Variants in MICAL2 observed in about 807,000 individuals in gnomAD.
MICAL2 encodes [F-actin]-monooxygenase MICAL2.
In MICAL2, 77 loss-of-function variants were observed where a neutral mutation model predicts 127.3. The ratio of observed to expected loss-of-function variants is 0.60; its 90% confidence interval spans 0.50 to 0.73. MICAL2 has a LOEUF of 0.73. Among genes scored for constraint, MICAL2 ranks in the 30% least tolerant of loss-of-function variants. The pLI is 0.00. For synonymous variants in MICAL2, 570 were observed against 551.1 expected (o/e 1.03, Z -0.48); for missense variants, 1,351 against 1,434.4 (o/e 0.94, Z 0.94).
intron 3 of MICAL2, among the ~76,000 whole-genome samples, chr11:12,180,335 G>GTGTATATATA (rs140219557): frequency 7.9e-5 from 10 of 126,420 alleles, no homozygotes; most frequent in South Asian, 3.0e-4. Context: ...TTATATACAT[G>GTGTATATATA]TATATATGTA....
chr11:12,323,847 T>A (rs1175893777), intron 30 of MICAL2: 22 of 1,001,436 alleles, frequency 2.2e-5, no homozygotes, highest in African/African-American at 3.3e-5. Flanking sequence ...TTCTACCAGA[T>A]GTCGTTATTT....
chr11:12,290,495 T>C (rs958868496), downstream of MICAL2, among the ~76,000 whole-genome samples: 1 of 141,450 alleles, frequency 7.1e-6, no homozygotes, highest in African/African-American at 2.7e-5. Flanking sequence ...AGAATGAGGG[T>C]GCAAGGAGGA....
chr11:12,240,464 A>T (rs1293103586), intron 17 of MICAL2, among the ~76,000 whole-genome samples: 1 of 152,220 alleles, frequency 6.6e-6, no homozygotes, highest in African/African-American at 2.4e-5. Flanking sequence ...CTTAGTCTTG[A>T]TGTGGACTGT....
intron 3 of MICAL2, among the ~76,000 whole-genome samples, chr11:12,171,563 A>G (rs1856253588): frequency 6.6e-6 from 1 of 152,250 alleles, no homozygotes; most frequent in Non-Finnish European, 1.5e-5. Flanking sequence ...GGTTCAGTTC[A>G]GCCTCCTGCC....
intron 32 of MICAL2, among the ~76,000 whole-genome samples, chr11:12,344,231 G>T (rs527969536): frequency 2.0e-5 from 3 of 152,052 alleles, no homozygotes; most frequent in African/African-American, 7.2e-5. Flanking sequence ...GGGAGGCAGA[G>T]GTTGCAGTGA....
intron 31 of MICAL2, chr11:12,324,220 C>A (rs544606996): frequency 2.1e-6 from 2 of 941,362 alleles, no homozygotes; most frequent in African/African-American, 3.4e-5. Flanking sequence ...GATTTGTGGC[C>A]GTTTTAAAGA....
chr11:12,130,096 T>G (rs1331840659), intron 1 of MICAL2, among the ~76,000 whole-genome samples: 1 of 152,136 alleles, frequency 6.6e-6, no homozygotes, highest in Non-Finnish European at 1.5e-5. Context: ...GCAGAGCTGA[T>G]TATTGGAGTT....
chr11:12,111,786 C>T (rs1185202682), intron 1 of MICAL2, among the ~76,000 whole-genome samples: 3 of 152,206 alleles, frequency 2.0e-5, no homozygotes, highest in Non-Finnish European at 4.4e-5. Flanking sequence ...AAGCCAGAGG[C>T]GAATTGGCCC....
At chr11:12,305,491 TTAC>T (rs1271926147) in intron 29 of MICAL2, among the ~76,000 whole-genome samples, 1 of 127,440 alleles carries the variant, frequency 7.8e-6, no homozygotes, top group Non-Finnish European at 1.6e-5. Flanking sequence ...ATCATTGTAT[TTAC>T]TACTACATTT....
chr11:12,319,683 G>A, intron 29 of MICAL2: 1 of 1,586,764 alleles, frequency 6.3e-7, no homozygotes, highest in South Asian at 1.1e-5. Context: ...GAGTTTTTCT[G>A]TTCCCATTTC....
chr11:12,230,334 ATC>A (rs1442962550), intron 15 of MICAL2, among the ~76,000 whole-genome samples: 1 of 152,154 alleles, frequency 6.6e-6, no homozygotes, highest in Non-Finnish European at 1.5e-5. Context: ...ACAATTACAC[ATC>A]TGTACATAAA....
At chr11:12,236,012 G>C (rs955962546) in intron 15 of MICAL2, among the ~76,000 whole-genome samples, 165 bp from the exon 16 acceptor site, 1 of 152,252 alleles carries the variant, frequency 6.6e-6, no homozygotes, top group Admixed American at 6.5e-5. Context: ...TTGTCACAGT[G>C]CGGAGTCATT....
At chr11:12,280,764 G>A (rs542610429) in intron 1 of MICAL2, among the ~76,000 whole-genome samples, 1 of 152,318 alleles carries the variant, frequency 6.6e-6, no homozygotes, top group South Asian at 2.1e-4. Flanking sequence ...GAGTTTTCAG[G>A]AATACAATTC....
chr11:12,277,487 G>T (rs1204753189), intron 1 of MICAL2, among the ~76,000 whole-genome samples: 2 of 152,178 alleles, frequency 1.3e-5, no homozygotes, highest in Non-Finnish European at 1.5e-5. Flanking sequence ...CCTCCCAGAG[G>T]AGGTGACATT....
At chr11:12,238,630 T>C (rs1005642825) in intron 16 of MICAL2, among the ~76,000 whole-genome samples, 3 of 145,954 alleles carry the variant, frequency 2.1e-5, no homozygotes, top group African/African-American at 7.4e-5. Context: ...GGAGACAGGG[T>C]GATGAAATGC....
At chr11:12,298,926 A>C (rs1295639385) in intron 29 of MICAL2, among the ~76,000 whole-genome samples, 1 of 152,146 alleles carries the variant, frequency 6.6e-6, no homozygotes, top group African/African-American at 2.4e-5. Context: ...TAATTTATTT[A>C]ACATTTTTGC....
At chr11:12,139,723 C>A (rs1489105560) in intron 2 of MICAL2, among the ~76,000 whole-genome samples, 1 of 152,134 alleles carries the variant, frequency 6.6e-6, no homozygotes, top group African/African-American at 2.4e-5. Context: ...GAAACTGTCC[C>A]CTCTCTGGAG....
In MICAL2 at chr11:12,110,979, A is replaced by C. The variant is rs1849557790; in HGVS notation, c.-149+253A>C. 6.6e-6 allele frequency among the ~76,000 whole-genome samples: 1 copy of C among 152,160 alleles called. No homozygotes were observed. The highest frequency in any genetic ancestry group is 2.1e-4 in the South Asian group (1 of 4,832). On this transcript the variant is annotated intron_variant, in intron 1 of 27. Coordinates refer to ENST00000683283, the MANE Select transcript of MICAL2 (RefSeq NM_001282663.2). The surrounding 1 kb of genome is among the most constrained non-coding windows in gnomAD (Gnocchi z 4.5). Reference sequence around the variant, plus strand: ...TAAAAGCCTCCCACCGGCACGCCGAACTACCTCTTACTCCGCTCCGCAACA... The same window carrying C: ...TAAAAGCCTCCCACCGGCACGCCGACCTACCTCTTACTCCGCTCCGCAACA...
intron 2 of MICAL2, among the ~76,000 whole-genome samples, chr11:12,152,244 G>T (rs1178306782): frequency 8.1e-6 from 1 of 123,684 alleles, no homozygotes; most frequent in Non-Finnish European, 1.6e-5. Flanking sequence ...GTTGCAGTAA[G>T]CCAAGATTGC....
Sources: gnomAD v4.1 joint callset for allele counts (sites outside exome capture counted in the v4.1 genomes callset) on GRCh38, gnomAD v4.1.1 for gene constraint, Gnocchi (gnomAD v3.1) non-coding constraint, MANE v1.5 for transcripts, NCBI Gene and HGNC (gene_info 2026-07-23, HGNC 2026-07-21) for gene names.